The following PKHD1L1 variants were observed in gnomAD, a reference collection of about 807,000 sequenced individuals.
The protein encoded by PKHD1L1 is PKHD1 like 1.
In PKHD1L1, 434 loss-of-function variants were observed where a neutral mutation model predicts 462.9. The ratio of observed to expected loss-of-function variants is 0.94; its 90% CI spans 0.87 to 1.02. The LOEUF (loss-of-function observed/expected upper bound fraction) is 1.02, where lower values mean the gene tolerates loss of function less well. Ranked by LOEUF, PKHD1L1 falls within the 50% of genes least tolerant of loss-of-function variation. The probability of loss-of-function intolerance (pLI) is 0.00; values close to 1 mark genes in which losing one functional copy is unlikely to be tolerated. For synonymous variants in PKHD1L1, 1,781 were observed against 1,750.0 expected (o/e 1.02, Z -0.44); for missense variants, 5,202 against 5,096.1 (o/e 1.02, Z -0.63).
chr8:109,470,974 C>T (rs1817685611), intron 50 of PKHD1L1: 6 of 1,610,580 alleles, frequency 3.7e-6, no homozygotes, highest in South Asian at 2.2e-5. Flanking sequence ...ACAAGCAGCT[C>T]GAGTCCATAG....
At position 109,536,947 on chromosome 8, in the gene PKHD1L1, A is replaced by T. The variant is rs1821156542; in HGVS notation, c.*6857A>T. 6.6e-6 allele frequency among the ~76,000 whole-genome samples: 1 copy of T among 152,238 alleles called. No homozygotes were observed. The highest frequency in any genetic ancestry group is 6.5e-5 in the Admixed American group (1 of 15,290). ...TAACTAGTATATGGTGATTTTGAGT[A>T]TTAAAAAAGAAGTTATAATTTTCCA... is the stretch of plus-strand genomic sequence containing the variant. On this transcript the variant is annotated 3_prime_UTR_variant, in exon 78 of 78. Transcript: ENST00000378402.
At chr8:109,474,789 T>C (rs1027590800) in intron 50 of PKHD1L1, among the ~76,000 whole-genome samples, 2 of 152,152 alleles carry the variant, frequency 1.3e-5, no homozygotes, top group Non-Finnish European at 2.9e-5. Context: ...GTTTTAGCAG[T>C]TGTAATTTCA....
intron 9 of PKHD1L1, among the ~76,000 whole-genome samples, chr8:109,391,607 C>A (rs1812715049): frequency 6.6e-6 from 1 of 151,994 alleles, no homozygotes; most frequent in Admixed American, 6.6e-5. Flanking sequence ...TGACAGAAAC[C>A]CATATAAATT....
intron 46 of PKHD1L1, among the ~76,000 whole-genome samples, chr8:109,457,043 C>G (rs1816865523): frequency 6.6e-6 from 1 of 152,118 alleles, no homozygotes; most frequent in South Asian, 2.1e-4. Flanking sequence ...ATTAACATAA[C>G]ACCACCAAGT....
chr8:109,379,783 C>A (rs1812017490), intron 2 of PKHD1L1, among the ~76,000 whole-genome samples: 1 of 152,138 alleles, frequency 6.6e-6, no homozygotes, highest in Non-Finnish European at 1.5e-5. Context: ...CTGAAACTAC[C>A]ACCATGGTCT....
At chr8:109,383,285 A>G (rs1812253483) in intron 4 of PKHD1L1, among the ~76,000 whole-genome samples, 1 of 100,098 alleles carries the variant, frequency 1.0e-5, no homozygotes, top group Non-Finnish European at 1.9e-5. Flanking sequence ...ATAGAATTAT[A>G]TATTATGTAT....
At chr8:109,482,508 G>T (rs1033633053) in intron 56 of PKHD1L1, among the ~76,000 whole-genome samples, 1 of 151,592 alleles carries the variant, frequency 6.6e-6, no homozygotes, top group Non-Finnish European at 1.5e-5. Context: ...TACATATACT[G>T]ATTTGTGGTG....
Position 109,465,134 on chromosome 8 carries a change from G to C in PKHD1L1, c.8302G>C (p.Gly2768Arg). Residue 2768 changes from glycine to arginine, a missense_variant, in exon 49 of 78, where the codon GGG becomes CGG. Around this residue, in one of 3 missense-constraint regions of PKHD1L1, gnomAD observed 4,497 missense variants for 4,336.8 expected, o/e 1.04. Transcript: ENST00000378402. ...SISGVCNDRC[G>R]GWSAKFVDVQ... ...CTCTGGAGTTTGTAATGACAGATGT[G>C]GGGGTTGGAGTGCAAAGTTTGTTGA... is the stretch of plus-strand genomic sequence containing the variant. 6.2e-7 allele frequency: 1 copy of C among 1,613,790 alleles called. No individual in the cohort carries two copies. Among genetic ancestry groups the C allele is most frequent in the East Asian group, 2.2e-5 (1 of 44,878 alleles).
At chr8:109,363,158 G>A (rs1197650195) in intron 1 of PKHD1L1, among the ~76,000 whole-genome samples, 1 of 152,158 alleles carries the variant, frequency 6.6e-6, no homozygotes, top group Non-Finnish European at 1.5e-5. Flanking sequence ...AGAGGGCTGG[G>A]AAGAGACTGA....
At chr8:109,386,171 TA>T (rs1463025343) in intron 6 of PKHD1L1, among the ~76,000 whole-genome samples, 3 of 152,334 alleles carry the variant, frequency 2.0e-5, no homozygotes, top group African/African-American at 2.4e-5. Context: ...AGCTGTGAAC[TA>T]GATAGTAACC....
At chr8:109,517,443 C>T (rs1286378132) in intron 72 of PKHD1L1, among the ~76,000 whole-genome samples, 1 of 152,144 alleles carries the variant, frequency 6.6e-6, no homozygotes, top group Non-Finnish European at 1.5e-5. Flanking sequence ...CACTATTACA[C>T]AATTCAGTGT....
chr8:109,417,977 A>C (rs770352812), intron 21 of PKHD1L1, among the ~76,000 whole-genome samples: 8 of 152,282 alleles, frequency 5.3e-5, no homozygotes, highest in Middle Eastern at 3.4e-3. Flanking sequence ...ATCCCCCAAA[A>C]TTGTTCTACA....
chr8:109,431,547 C>G (rs560347696), intron 27 of PKHD1L1, among the ~76,000 whole-genome samples: 1 of 152,026 alleles, frequency 6.6e-6, no homozygotes, highest in African/African-American at 2.4e-5. Flanking sequence ...CACACACACA[C>G]GGTAATTTTG....
At chr8:109,412,501 TTTGCCATATAAATA>T in intron 20 of PKHD1L1, 87 bp downstream of exon 20, 1 of 1,355,742 alleles carries the variant, frequency 7.4e-7, no homozygotes, top group Admixed American at 2.5e-5. Flanking sequence ...AGAAAAAATA[TTTGCCATATAAATA>T]GTATGTCATA....
At chr8:109,384,668 T>A (rs1161898625) in intron 5 of PKHD1L1, among the ~76,000 whole-genome samples, 1 of 152,084 alleles carries the variant, frequency 6.6e-6, no homozygotes, top group Non-Finnish European at 1.5e-5. Context: ...ATAATAACTA[T>A]ATTATTCCAG....
intron 50 of PKHD1L1, chr8:109,470,613 C>T (rs1285702832): frequency 3.2e-6 from 5 of 1,576,756 alleles, no homozygotes; most frequent in Non-Finnish European, 3.4e-6. Context: ...AATTAAATGA[C>T]TTGAATAGCT....
Position 109,522,725 on chromosome 8 carries a change from A to T in PKHD1L1, c.12184-19A>T. On this transcript the variant is annotated intron_variant, in intron 74 of 77. Transcript: ENST00000378402. ...TAGTTTATCATGAAGAAACCAGTTC[A>T]TCCCTTGTGCATTCACAGGTGACTG... is the stretch of plus-strand genomic sequence containing the variant. 1 of 1,595,974 alleles carries T rather than the reference A, an allele frequency of 6.3e-7. No individual in the cohort carries two copies. The highest frequency in any genetic ancestry group is 8.5e-7 in the Non-Finnish European group (1 of 1,173,652).
intron 75 of PKHD1L1, 79 bp downstream of exon 75, chr8:109,522,969 C>T: frequency 7.2e-7 from 1 of 1,387,270 alleles, no homozygotes. Context: ...TTCACTCATC[C>T]TGGTGTGCTG....
Position 109,531,376 on chromosome 8 carries a change from G to A in PKHD1L1, c.*1286G>A, listed in dbSNP as rs1821037154. 6.6e-6 allele frequency among the ~76,000 whole-genome samples: 1 copy of A among 152,158 alleles called. No homozygotes were observed. Among genetic ancestry groups the A allele is most frequent in the Non-Finnish European group, 1.5e-5 (1 of 68,038 alleles). ...ATGCCTTCCCTCGAAGAGTTTTCAG[G>A]ATATTTGGGGAAAGAATGGAAACAG... On this transcript the variant is annotated 3_prime_UTR_variant, in exon 78 of 78. Transcript: ENST00000378402.
Sources: gnomAD v4.1 joint callset for allele counts (sites outside exome capture counted in the v4.1 genomes callset) on GRCh38, gnomAD v4.1.1 for gene constraint, gnomAD v4.1.1 regional missense constraint, MANE v1.5 for transcripts, NCBI Gene and HGNC (gene_info 2026-07-23, HGNC 2026-07-21) for gene names.